The following CLTCL1 variants were observed in gnomAD, a reference collection of about 807,000 sequenced individuals.
The protein encoded by CLTCL1 is clathrin heavy chain like 1.
CLTCL1 carries 159 observed loss-of-function variants against 190.0 expected under a neutral mutation model. The ratio of observed to expected loss-of-function variants is 0.84; its 90% CI spans 0.74 to 0.95. The LOEUF (loss-of-function observed/expected upper bound fraction) is 0.95, where lower values mean the gene tolerates loss of function less well. CLTCL1 is among the 40% of genes least tolerant of loss of function. The probability of loss-of-function intolerance (pLI) is 0.00; values close to 1 mark genes in which losing one functional copy is unlikely to be tolerated. For synonymous variants in CLTCL1, 752 were observed against 769.6 expected (o/e 0.98, Z 0.38); for missense variants, 1,878 against 2,033.4 (o/e 0.92, Z 1.47).
At chr22:19,193,577 G>A (rs2084588297) in intron 26 of CLTCL1, among the ~76,000 whole-genome samples, 1 of 152,232 alleles carries the variant, frequency 6.6e-6, no homozygotes, top group South Asian at 2.1e-4. Context: ...TTTTATACAA[G>A]GGAAAACTGA....
At chr22:19,269,479 A>G (rs1215879531) in intron 2 of CLTCL1, among the ~76,000 whole-genome samples, 2 of 152,236 alleles carry the variant, frequency 1.3e-5, no homozygotes, top group Non-Finnish European at 2.9e-5. Context: ...ATATATGTCC[A>G]CATGCACACA....
rs34267370 is a variant in CLTCL1, at chr22:19,260,779, CAAAAAA to C, written c.251-6558_251-6553del. On this transcript the variant is annotated intron_variant, in intron 2 of 32. Transcript: ENST00000427926. ...GGGCAACAAGAGTGAAACTCTGTCTCAAAAAAAAAAAAAAAAAAAAAAAAAGAATTA... is the reference window on the plus strand; with the variant it reads ...GGGCAACAAGAGTGAAACTCTGTCTCAAAAAAAAAAAAAAAAAAAGAATTA... Among the ~76,000 whole-genome samples, 250 of 56,942 alleles carry C rather than the reference CAAAAAA, an allele frequency of 4.4e-3. 5 individuals carry two copies. The East Asian group carries it at 0.11, about 25-fold the overall frequency. The allele number at this position is 56,942 out of a possible 152,430, so 37.4% of individuals were successfully genotyped here.
At chr22:19,280,041 A>G (rs575697702) in intron 1 of CLTCL1, among the ~76,000 whole-genome samples, 19 of 152,326 alleles carry the variant, frequency 1.2e-4, no homozygotes, top group African/African-American at 3.6e-4. Flanking sequence ...ATATACAGGG[A>G]CTGTTTTATC....
intron 3 of CLTCL1, chr22:19,250,005 G>A (rs897360441): frequency 2.9e-5 from 9 of 313,722 alleles, no homozygotes; most frequent in African/African-American, 1.7e-4. Flanking sequence ...TGTAATCCCA[G>A]AACTTTGGGA....
At chr22:19,246,048 A>T (rs1482986276) in intron 3 of CLTCL1, among the ~76,000 whole-genome samples, 1 of 151,850 alleles carries the variant, frequency 6.6e-6, no homozygotes, top group Non-Finnish European at 1.5e-5. Flanking sequence ...GTCAAATGGT[A>T]ATTCTGTGTT....
In CLTCL1 at chr22:19,221,305, C is replaced by G. The variant is rs375715762; in HGVS notation, c.2796+72G>C. ...GCACAGAAAGCCCTGATCAGCTCCC[C>G]ACAGGCACACCTTTGAAAGCTTCCC... On this transcript the variant is annotated intron_variant, in intron 17 of 32. Transcript: ENST00000427926. 123 of 1,215,218 alleles carry G rather than the reference C, an allele frequency of 1.0e-4. No homozygotes were observed. The African/African-American group carries it at 1.5e-3, about 15-fold the overall frequency. 75.3% of individuals were successfully genotyped at this position (1,215,218 alleles called of 1,614,324 possible).
intron 18 of CLTCL1, among the ~76,000 whole-genome samples, chr22:19,219,157 TTTTATTTATTTATTTA>T (rs201050834): frequency 0.064 from 9,584 of 148,920 alleles, 366 homozygotes; most frequent in Middle Eastern, 0.16. Flanking sequence ...GACTAAGATG[TTTTATTTATTTATTTA>T]TTTATTTATT....
At chr22:19,223,626 T>C (rs549499258) in intron 14 of CLTCL1, among the ~76,000 whole-genome samples, 96 of 152,330 alleles carry the variant, frequency 6.3e-4, no homozygotes, top group Non-Finnish European at 8.5e-4. Context: ...TAATTGACAA[T>C]GGCACTAATG....
At chr22:19,231,266 C>A (rs1315028693) in intron 10 of CLTCL1, among the ~76,000 whole-genome samples, 3 of 152,236 alleles carry the variant, frequency 2.0e-5, no homozygotes, top group Non-Finnish European at 2.9e-5. Flanking sequence ...CACTCTATTG[C>A]CTAGGCTGAA....
At chr22:19,276,901 T>G (rs540507437) in intron 1 of CLTCL1, among the ~76,000 whole-genome samples, 3 of 152,154 alleles carry the variant, frequency 2.0e-5, no homozygotes, top group Admixed American at 6.5e-5. Flanking sequence ...CTCAATCTCC[T>G]GACCTCGTGA....
chr22:19,254,555 T>C (rs544138728), intron 2 of CLTCL1, among the ~76,000 whole-genome samples: 81 of 152,344 alleles, frequency 5.3e-4, no homozygotes, highest in African/African-American at 1.9e-3. Flanking sequence ...AAAATACTTT[T>C]CTGGATAACT....
At chr22:19,269,092 A>T (rs1555979251) in intron 2 of CLTCL1, among the ~76,000 whole-genome samples, 4 of 150,620 alleles carry the variant, frequency 2.7e-5, no homozygotes, top group Non-Finnish European at 3.0e-5. Flanking sequence ...TCCTCAAAAA[A>T]AAAAAAAAAG....
chr22:19,180,198 C>CTTAT lies in CLTCL1; in HGVS notation c.*20_*20+1insATAA. 6.2e-7 allele frequency: 1 copy of CTTAT among 1,613,554 alleles called. No individual in the cohort carries two copies. The highest frequency in any genetic ancestry group is 8.5e-7 in the Non-Finnish European group (1 of 1,179,588). On this transcript the variant is annotated splice_region_variant and 3_prime_UTR_variant. Transcript: ENST00000427926. ...AGCTAGTCTCCAAATGGGACACTTA[C>CTTAT]TTAGTGCAATCAGCTGGGTCTCATT...
At chr22:19,204,246 C>T (rs2084984151) in intron 22 of CLTCL1, among the ~76,000 whole-genome samples, 1 of 152,196 alleles carries the variant, frequency 6.6e-6, no homozygotes, top group Admixed American at 6.5e-5. Flanking sequence ...CCCGCAGAGG[C>T]CAACAGCTGC....
At chr22:19,188,228 A>T in intron 27 of CLTCL1, 137 bp from the exon 28 acceptor site, 1 of 723,916 alleles carries the variant, frequency 1.4e-6, no homozygotes, top group Non-Finnish European at 2.4e-6. Flanking sequence ...CTGGACACCT[A>T]GAACCAAAAG....
chr22:19,215,276 C>T (rs1240875931), intron 19 of CLTCL1, among the ~76,000 whole-genome samples: 1 of 152,220 alleles, frequency 6.6e-6, no homozygotes, highest in Admixed American at 6.5e-5. Context: ...TAAAAACACA[C>T]ACACAAATTC....
At chr22:19,224,347 A>C (rs1206493928) in intron 13 of CLTCL1, among the ~76,000 whole-genome samples, 2 of 152,178 alleles carry the variant, frequency 1.3e-5, no homozygotes, top group Non-Finnish European at 2.9e-5. Context: ...CGTCATCAAG[A>C]GTAATTCCCA....
Position 19,187,973 on chromosome 22 carries a change from A to G in CLTCL1, c.4434+8T>C. 6.2e-7 allele frequency: 1 copy of G among 1,612,258 alleles called. No homozygotes were observed. Among genetic ancestry groups the G allele is most frequent in the African/African-American group, 1.3e-5 (1 of 75,016 alleles). ...CACCCAGGACAGGGCTCCTTCCTGC[A>G]CACCCACCTGATAGTCCTCCTCCTC... On this transcript the variant is annotated splice_region_variant and intron_variant, in intron 28 of 32. Transcript: ENST00000427926.
intron 18 of CLTCL1, 34 bp downstream of exon 18, chr22:19,219,851 C>A (rs926286221): frequency 6.2e-7 from 1 of 1,611,266 alleles, no homozygotes; most frequent in African/African-American, 1.3e-5. Context: ...CGGCAAAATG[C>A]AGGTGTGCAG....
Sources: allele counts gnomAD v4.1 joint callset (sites outside exome capture counted in the v4.1 genomes callset), GRCh38; gene constraint gnomAD v4.1.1; transcripts MANE v1.5; gene names NCBI Gene and HGNC (gene_info 2026-07-23, HGNC 2026-07-21).